The following NEGR1 variants were observed in gnomAD, a reference collection of about 807,000 sequenced individuals.
The protein encoded by NEGR1 is neuronal growth regulator 1, also known as IgLON family member 4.
In NEGR1, 10 loss-of-function variants were observed where a neutral mutation model predicts 40.9. The ratio of observed to expected loss-of-function variants is 0.24; its 90% CI spans 0.15 to 0.42. NEGR1 has a LOEUF of 0.42. NEGR1 is among the 10% of genes least tolerant of loss of function. The pLI, the probability that NEGR1 is intolerant of heterozygous loss-of-function variation, is 1.00. For missense variants in NEGR1, 352 were observed against 438.9 expected (o/e 0.80, Z 1.77); for synonymous variants, 185 against 166.8 (o/e 1.11, Z -0.84).
chr1:71,478,114 G>C (rs1646833440), intron 6 of NEGR1, among the ~76,000 whole-genome samples: 1 of 151,714 alleles, frequency 6.6e-6, no homozygotes. Context: ...ATTTTACTTT[G>C]CTCTGTAGGA....
At chr1:72,081,343 A>G (rs1042174706) in intron 1 of NEGR1, among the ~76,000 whole-genome samples, 1 of 152,098 alleles carries the variant, frequency 6.6e-6, no homozygotes, top group African/African-American at 2.4e-5. Context: ...TCCCACTCCC[A>G]CTTACTGTAT....
intron 1 of NEGR1, among the ~76,000 whole-genome samples, chr1:72,121,389 C>A (rs1024923308): frequency 2.6e-5 from 4 of 151,928 alleles, no homozygotes; most frequent in African/African-American, 7.2e-5. Flanking sequence ...TATAATACAG[C>A]TATAACAAAT....
chr1:71,831,804 A>C (rs1315008626), intron 2 of NEGR1, among the ~76,000 whole-genome samples: 1 of 84,900 alleles, frequency 1.2e-5, no homozygotes, highest in Non-Finnish European at 2.7e-5. Flanking sequence ...TGAGACAAAA[A>C]GAAAAAAAAA....
At chr1:71,538,783 T>G (rs1647591896) in intron 6 of NEGR1, among the ~76,000 whole-genome samples, 1 of 151,746 alleles carries the variant, frequency 6.6e-6, no homozygotes, top group Non-Finnish European at 1.5e-5. Context: ...CTGTGAACTT[T>G]CATGTATTTA....
intron 1 of NEGR1, among the ~76,000 whole-genome samples, chr1:72,105,733 G>A (rs1018250247): frequency 6.6e-6 from 1 of 152,056 alleles, no homozygotes; most frequent in Admixed American, 6.6e-5. Flanking sequence ...TGACAGACGA[G>A]CATCAAAGGA....
chr1:72,095,200 CTT>C (rs71928378), intron 1 of NEGR1, among the ~76,000 whole-genome samples: 2,413 of 152,122 alleles, frequency 0.016, 66 homozygotes, highest in African/African-American at 0.056. Context: ...TTAGTGGTGA[CTT>C]TTGATTAAAA....
At chr1:71,724,060 A>G (rs1654595796) in intron 3 of NEGR1, among the ~76,000 whole-genome samples, 1 of 152,128 alleles carries the variant, frequency 6.6e-6, no homozygotes, top group African/African-American at 2.4e-5. Context: ...CTTATTTTAA[A>G]AAGAACTTAT....
At chr1:71,630,479 A>G (rs1650936456) in intron 4 of NEGR1, among the ~76,000 whole-genome samples, 1 of 151,984 alleles carries the variant, frequency 6.6e-6, no homozygotes, top group Non-Finnish European at 1.5e-5. Context: ...AGATTGGACA[A>G]GATGATGCTC....
At chr1:72,079,894 C>T (rs1196678707) in intron 1 of NEGR1, among the ~76,000 whole-genome samples, 1 of 151,814 alleles carries the variant, frequency 6.6e-6, no homozygotes, top group Non-Finnish European at 1.5e-5. Flanking sequence ...ATCACTGAAC[C>T]AGAAAAAGGT....
chr1:71,976,384 T>A (rs1646304218), intron 1 of NEGR1, among the ~76,000 whole-genome samples: 2 of 152,230 alleles, frequency 1.3e-5, no homozygotes, highest in Admixed American at 6.5e-5. Context: ...TAGATATTAC[T>A]CTGAAATTTC....
chr1:72,008,387 T>C (rs896015061), intron 1 of NEGR1, among the ~76,000 whole-genome samples: 1 of 152,176 alleles, frequency 6.6e-6, no homozygotes, highest in African/African-American at 2.4e-5. Flanking sequence ...TGTGACCTAC[T>C]AGTACACATC....
intron 1 of NEGR1, among the ~76,000 whole-genome samples, chr1:71,994,784 A>G (rs1646488858): frequency 6.6e-6 from 1 of 152,118 alleles, no homozygotes; most frequent in Admixed American, 6.5e-5. Flanking sequence ...ACCTAGAACC[A>G]TGATATTACT....
chr1:71,903,780 T>C (rs1170817738), intron 2 of NEGR1, among the ~76,000 whole-genome samples: 1 of 151,752 alleles, frequency 6.6e-6, no homozygotes, highest in African/African-American at 2.4e-5. Flanking sequence ...ACTACAGCTA[T>C]ATCTATATCA....
chr1:71,789,488 C>A (rs1657035126), intron 2 of NEGR1, among the ~76,000 whole-genome samples: 1 of 152,070 alleles, frequency 6.6e-6, no homozygotes. Flanking sequence ...AACAGAAATA[C>A]TTTGCCACTT....
chr1:72,045,273 C>G (rs1646990720), intron 1 of NEGR1, among the ~76,000 whole-genome samples: 1 of 151,784 alleles, frequency 6.6e-6, no homozygotes, highest in African/African-American at 2.4e-5. Context: ...CAATCTTTAG[C>G]ATTATATCAA....
At chr1:72,086,526 C>T (rs947486200) in intron 1 of NEGR1, among the ~76,000 whole-genome samples, 1 of 152,196 alleles carries the variant, frequency 6.6e-6, no homozygotes, top group African/African-American at 2.4e-5. Flanking sequence ...AATTTATTCA[C>T]AACATGAATG....
At chr1:71,601,855 A>G (rs1649930126) in intron 5 of NEGR1, among the ~76,000 whole-genome samples, 1 of 152,188 alleles carries the variant, frequency 6.6e-6, no homozygotes, top group Non-Finnish European at 1.5e-5. Flanking sequence ...TATTGAGTAC[A>G]ATGTTCACTA....
At chr1:71,439,155 A>G (rs1646529964) in intron 6 of NEGR1, among the ~76,000 whole-genome samples, 1 of 152,030 alleles carries the variant, frequency 6.6e-6, no homozygotes, top group Non-Finnish European at 1.5e-5. Flanking sequence ...ACTACTCCAA[A>G]TAATTGTGTT....
At chr1:71,510,503 T>C (rs1647065432) in intron 6 of NEGR1, among the ~76,000 whole-genome samples, 1 of 152,312 alleles carries the variant, frequency 6.6e-6, no homozygotes, top group East Asian at 1.9e-4. Flanking sequence ...ACATGGCTCA[T>C]GCAGCTTGAA....
Sources: gnomAD v4.1 joint callset for allele counts (sites outside exome capture counted in the v4.1 genomes callset) on GRCh38, gnomAD v4.1.1 for gene constraint, MANE v1.5 for transcripts, NCBI Gene and HGNC (gene_info 2026-07-23, HGNC 2026-07-21) for gene names.